Variants in GABRR1 observed in about 807,000 individuals in gnomAD.
GABRR1 encodes the protein gamma-aminobutyric acid receptor subunit rho-1.
A neutral mutation model predicts 55.5 loss-of-function variants in GABRR1; 59 were observed. The observed-to-expected ratio is 1.06, with a 90% CI of 0.86 to 1.32. GABRR1 has a LOEUF of 1.32. Among genes scored for constraint, GABRR1 ranks in the 40% most tolerant of loss-of-function variants. GABRR1 has a pLI of 0.00. For missense variants in GABRR1, 602 were observed against 619.1 expected (o/e 0.97, Z 0.29); for synonymous variants, 213 against 226.0 (o/e 0.94, Z 0.51).
chr6:89,211,745 T>G (rs2127806235), intron 1 of GABRR1, among the ~76,000 whole-genome samples: 1 of 152,286 alleles, frequency 6.6e-6, no homozygotes, highest in Non-Finnish European at 1.5e-5. Context: ...TAATAAGCAC[T>G]TGATAACTGT....
intron 1 of GABRR1, 63 bp from the exon 2 acceptor site, chr6:89,203,548 C>T: frequency 8.6e-7 from 1 of 1,167,702 alleles, no homozygotes; most frequent in Admixed American, 1.7e-5. Context: ...ATCAACCAAG[C>T]ACCCCTCTCC....
At chr6:89,182,838 T>A (rs1771771216) in intron 7 of GABRR1, among the ~76,000 whole-genome samples, 1 of 151,954 alleles carries the variant, frequency 6.6e-6, no homozygotes, top group Non-Finnish European at 1.5e-5. Flanking sequence ...GATCGCCCAC[T>A]GCACTCCAGC....
intron 1 of GABRR1, among the ~76,000 whole-genome samples, chr6:89,228,728 A>C (rs1295209200): frequency 6.8e-6 from 1 of 146,058 alleles, no homozygotes; most frequent in African/African-American, 2.6e-5. Context: ...GTGCTGAAAA[A>C]AATGTATATT....
Position 89,203,267 on chromosome 6 carries a change from G to A in GABRR1, c.173+168C>T, listed in dbSNP as rs4457138. Among the ~76,000 whole-genome samples, 15 of 151,858 alleles carry A rather than the reference G, an allele frequency of 9.9e-5. No homozygotes were observed. The highest frequency in any genetic ancestry group is 1.9e-4 in the East Asian group (1 of 5,170). ...ACCAGCTCGATCCAGGAGCCACCCC[G>A]CCACCCCTGACTGCCGTCTCCTTTC... On this transcript the variant is annotated intron_variant, in intron 2 of 9. Transcript: ENST00000454853.
At chr6:89,223,768 T>C (rs1381145658) in intron 1 of GABRR1, among the ~76,000 whole-genome samples, 1 of 134,682 alleles carries the variant, frequency 7.4e-6, no homozygotes, top group African/African-American at 2.8e-5. Flanking sequence ...GCATTGTGGG[T>C]TTTTTTTTTT....
At chr6:89,211,032 A>C (rs888657866) in intron 1 of GABRR1, among the ~76,000 whole-genome samples, 1 of 152,134 alleles carries the variant, frequency 6.6e-6, no homozygotes, top group Non-Finnish European at 1.5e-5. Flanking sequence ...TGGTGTTGTG[A>C]GCATGGGAGC....
chr6:89,187,895 T>C (rs1562288056), intron 6 of GABRR1, among the ~76,000 whole-genome samples: 1 of 152,250 alleles, frequency 6.6e-6, no homozygotes, highest in Non-Finnish European at 1.5e-5. Context: ...GTTGTTTTCA[T>C]GTTTTAGCAA....
In GABRR1 at chr6:89,203,497, A is replaced by G; in HGVS notation, c.123-12T>C. On this transcript the variant is annotated splice_polypyrimidine_tract_variant and intron_variant, in intron 1 of 9. Transcript: ENST00000454853. The stretch of plus-strand genomic sequence containing the variant: ...TTTGTCTTTGGGGCCTACCATGAAC[A>G]TTAAAAATAAAGACATTGTAGAGAA... 6.2e-7 allele frequency: 1 copy of G among 1,600,880 alleles called. No homozygotes were observed. The highest frequency in any genetic ancestry group is 1.3e-5 in the African/African-American group (1 of 74,726).
At chr6:89,203,282 C>T (rs1340783626) in intron 2 of GABRR1, among the ~76,000 whole-genome samples, 153 bp downstream of exon 2, 1 of 152,176 alleles carries the variant, frequency 6.6e-6, no homozygotes, top group Non-Finnish European at 1.5e-5. Flanking sequence ...CCCTGACTGC[C>T]GTCTCCTTTC....
rs1562278847 is a variant in GABRR1, at chr6:89,179,034, G to A, written c.1176C>T (p.Pro392=). Residue 392 remains proline, a synonymous_variant, in exon 10 of 10, where the codon CCC becomes CCT. Transcript: ENST00000454853. ...AGTTGCCGTCCAGCATCGCAGTGCG[G>A]GGCGGAGGTAATCCGCTGGTGCAGG... ...KLPCTSGLPP[P]RTAMLDGNYS... 3 of 1,614,032 alleles carry A rather than the reference G, an allele frequency of 1.9e-6. No homozygotes were observed. Among genetic ancestry groups the A allele is most frequent in the Admixed American group, 1.7e-5 (1 of 60,012 alleles).
intron 1 of GABRR1, among the ~76,000 whole-genome samples, chr6:89,211,392 G>A (rs1300516996): frequency 2.6e-5 from 4 of 151,948 alleles, no homozygotes; most frequent in South Asian, 2.1e-4. Flanking sequence ...TTCCTCTCTC[G>A]CCTTCATCCC....
At chr6:89,203,686 T>C (rs1345849254) in intron 1 of GABRR1, among the ~76,000 whole-genome samples, 1 of 151,948 alleles carries the variant, frequency 6.6e-6, no homozygotes, top group Non-Finnish European at 1.5e-5. Context: ...AACTGGAGGG[T>C]TCATTACTAA....
chr6:89,227,577 C>T (rs1582414635), intron 1 of GABRR1, among the ~76,000 whole-genome samples: 4 of 7,462 alleles, frequency 5.4e-4, no homozygotes, highest in Admixed American at 1.1e-3. Context: ...TATTGATTTG[C>T]GTATATTGAA....
intron 6 of GABRR1, among the ~76,000 whole-genome samples, chr6:89,188,617 G>GTTT (rs1404397940): frequency 6.6e-6 from 1 of 151,828 alleles, no homozygotes; most frequent in Non-Finnish European, 1.5e-5. Flanking sequence ...TTTTGTTGTT[G>GTTT]TTGTTGAGTT....
At chr6:89,200,779 T>G (rs1203257261) in intron 3 of GABRR1, among the ~76,000 whole-genome samples, 1 of 152,224 alleles carries the variant, frequency 6.6e-6, no homozygotes, top group East Asian at 1.9e-4. Context: ...CCCTGAACTC[T>G]GTCTGCCAGC....
intron 6 of GABRR1, among the ~76,000 whole-genome samples, chr6:89,187,399 G>C (rs773705140): frequency 6.6e-6 from 1 of 152,082 alleles, no homozygotes; most frequent in African/African-American, 2.4e-5. Context: ...CTTATGGTAG[G>C]ATACATCATT....
At chr6:89,188,608 T>TTG (rs1771987538) in intron 6 of GABRR1, among the ~76,000 whole-genome samples, 2 of 151,598 alleles carry the variant, frequency 1.3e-5, no homozygotes, top group Non-Finnish European at 2.9e-5. Flanking sequence ...AGCAGATTGT[T>TTG]TTGTTGTTGT....
At chr6:89,186,217 A>G (rs1387641278) in intron 6 of GABRR1, among the ~76,000 whole-genome samples, 1 of 152,200 alleles carries the variant, frequency 6.6e-6, no homozygotes, top group Non-Finnish European at 1.5e-5. Flanking sequence ...GACCTGTGTG[A>G]TGGTCAGTTT....
Position 89,203,451 on chromosome 6 carries a change from C to A in GABRR1, c.157G>T (p.Ala53Ser). 6.2e-7 allele frequency: 1 copy of A among 1,613,412 alleles called. No individual in the cohort carries two copies. Among genetic ancestry groups the A allele is most frequent in the Non-Finnish European group, 8.5e-7 (1 of 1,179,378 alleles). Residue 53 changes from alanine to serine, a missense_variant, in exon 2 of 10, where the codon GCC becomes TCC. This residue lies in a region of GABRR1 where 435 missense variants were observed against 424.2 expected (regional missense o/e 1.03). Transcript: ENST00000454853. ...TGGCCATACCTGACTTGCTTGTGGG[C>A]ATCTTCATGTACTTCTCGTCTTTGT... is the stretch of plus-strand genomic sequence containing the variant. ...QRQRREVHEDAHKQVSPILRR... is the reference protein window; with the variant it reads ...QRQRREVHEDSHKQVSPILRR...
Sources: allele counts gnomAD v4.1 joint callset (sites outside exome capture counted in the v4.1 genomes callset), GRCh38; gene constraint gnomAD v4.1.1; regional missense constraint gnomAD v4.1.1; transcripts MANE v1.5; gene names NCBI Gene and HGNC (gene_info 2026-07-23, HGNC 2026-07-21).